The following STAB2 variants were observed in gnomAD, a reference collection of about 807,000 sequenced individuals.
STAB2 encodes stabilin-2.
A neutral mutation model predicts 338.1 loss-of-function variants in STAB2; 288 were observed. The observed-to-expected ratio is 0.85, with a 90% CI of 0.77 to 0.94. STAB2 has a LOEUF of 0.94. STAB2 is among the 40% of genes least tolerant of loss of function. The probability of loss-of-function intolerance (pLI) is 0.00; values close to 1 mark genes in which losing one functional copy is unlikely to be tolerated. For synonymous variants in STAB2, 1,202 were observed against 1,193.3 expected (o/e 1.01, Z -0.15); for missense variants, 3,141 against 3,210.1 (o/e 0.98, Z 0.52).
chr12:103,688,744 C>A (rs904809896), intron 28 of STAB2, among the ~76,000 whole-genome samples: 1 of 152,198 alleles, frequency 6.6e-6, no homozygotes, highest in Non-Finnish European at 1.5e-5. Context: ...CTGAACCCCC[C>A]ATCCCAGCAT....
chr12:103,642,773 C>T (rs533330010), intron 9 of STAB2, among the ~76,000 whole-genome samples: 6 of 152,324 alleles, frequency 3.9e-5, no homozygotes, highest in Admixed American at 6.5e-5. Context: ...AGACCACACT[C>T]GGGGTACTCA....
chr12:103,699,524 C>T (rs1056434416), intron 34 of STAB2, among the ~76,000 whole-genome samples: 1 of 152,138 alleles, frequency 6.6e-6, no homozygotes, highest in Admixed American at 6.6e-5. Flanking sequence ...CTTATGAAAC[C>T]ATCAGATCTC....
chr12:103,712,312 G>A (rs1879933693), intron 40 of STAB2, 55 bp from the exon 41 acceptor site: 2 of 1,335,376 alleles, frequency 1.5e-6, no homozygotes, highest in Non-Finnish European at 2.2e-6. Context: ...TGTGAGTCAT[G>A]TGGTGGGAGG....
intron 22 of STAB2, among the ~76,000 whole-genome samples, chr12:103,672,046 G>A (rs1264804940): frequency 6.6e-6 from 1 of 152,160 alleles, no homozygotes; most frequent in Non-Finnish European, 1.5e-5. Context: ...TTGCTGACAG[G>A]ATTAAATTAG....
intron 31 of STAB2, among the ~76,000 whole-genome samples, chr12:103,693,988 TA>T (rs540825862): frequency 0.013 from 1,798 of 136,072 alleles, 18 homozygotes; most frequent in African/African-American, 0.032. Flanking sequence ...CCCTCTCTAC[TA>T]AAAAAAAAAA....
chr12:103,749,237 G>C, intron 59 of STAB2, 81 bp downstream of exon 59: 1 of 1,408,904 alleles, frequency 7.1e-7, no homozygotes, highest in Non-Finnish European at 9.5e-7. Flanking sequence ...CCCATACTCT[G>C]CTTATCTCCT....
chr12:103,694,520 C>T (rs918853217), intron 31 of STAB2, among the ~76,000 whole-genome samples: 10 of 152,086 alleles, frequency 6.6e-5, no homozygotes, highest in African/African-American at 2.4e-4. Flanking sequence ...ACTCTGCCAC[C>T]GTAGTGCAAA....
chr12:103,717,706 A>G, intron 43 of STAB2, 64 bp from the exon 44 acceptor site: 1 of 1,459,930 alleles, frequency 6.8e-7, no homozygotes, highest in Non-Finnish European at 9.6e-7. Flanking sequence ...TCTGAGAGCC[A>G]GACCATGCGG....
chr12:103,640,465 T>C (rs770308694), intron 9 of STAB2, among the ~76,000 whole-genome samples: 7 of 152,184 alleles, frequency 4.6e-5, no homozygotes, highest in Non-Finnish European at 8.8e-5. Flanking sequence ...ATATGACCAT[T>C]AGAATACTCT....
At chr12:103,762,541 C>G in intron 67 of STAB2, 139 bp downstream of exon 67, 1 of 1,314,618 alleles carries the variant, frequency 7.6e-7, no homozygotes, top group Non-Finnish European at 1.1e-6. Context: ...GGCGGCCACC[C>G]ACCCCACGCT....
At position 103,626,973 on chromosome 12, in the gene STAB2, C is replaced by A. The variant is rs557389500; in HGVS notation, c.488-4625C>A. Among the ~76,000 whole-genome samples, 13 of 152,348 alleles carry A rather than the reference C, an allele frequency of 8.5e-5. No homozygotes were observed. In the South Asian group the frequency reaches 2.7e-3, roughly 32 times the overall value. ...TAACATGATCCCCAAATCAATCACA[C>A]AACCATGTACTGTTAAGAAGAGTCA... On this transcript the variant is annotated intron_variant, in intron 5 of 68. Coordinates refer to ENST00000388887, the MANE Select transcript of STAB2 (RefSeq NM_017564.10).
chr12:103,670,695 G>T lies in STAB2; in HGVS notation c.2260-1G>T, dbSNP rs772667233. On this transcript the variant is annotated splice_acceptor_variant, in intron 21 of 68. Coordinates refer to ENST00000388887, the MANE Select transcript of STAB2 (RefSeq NM_017564.10). LOFTEE classifies it high-confidence loss of function. ...CCCATGGGCCCTGCCTTTGCTCCCA[G>T]TGTGCAGATAGCCTCGGCGGCAACG... 2 of 1,613,564 alleles carry T rather than the reference G, an allele frequency of 1.2e-6. No individual in the cohort carries two copies. The highest frequency in any genetic ancestry group is 1.3e-5 in the African/African-American group (1 of 74,916).
At chr12:103,673,055 C>G (rs1875967068) in intron 22 of STAB2, among the ~76,000 whole-genome samples, 1 of 152,162 alleles carries the variant, frequency 6.6e-6, no homozygotes, top group South Asian at 2.1e-4. Context: ...GAAGGCTGAC[C>G]TAGTGCCTTG....
rs1957464680 is a variant in STAB2 at position 103,631,635 on chromosome 12, A to G, written c.525A>G (p.Leu175=). 1 of 1,614,196 alleles carries G rather than the reference A, an allele frequency of 6.2e-7. No homozygotes were observed. The highest frequency in any genetic ancestry group is 1.7e-5 in the Admixed American group (1 of 60,022). The part of the protein sequence containing the change: ...NCVHGVCNSG[L]DGDGTCECYS... The stretch of plus-strand genomic sequence containing the variant: ...TGCATGGGGTGTGCAACAGTGGACT[A>G]GATGGCGATGGAACCTGTGAGTGCT... The change falls in exon 6 of 69, where the codon CTA becomes CTG. Residue 175 remains leucine (L), a synonymous_variant. Transcript: ENST00000388887.
At chr12:103,644,002 T>C (rs1873134923) in intron 9 of STAB2, among the ~76,000 whole-genome samples, 1 of 89,940 alleles carries the variant, frequency 1.1e-5, no homozygotes, top group African/African-American at 4.4e-5. Flanking sequence ...GGAGCCCCTC[T>C]GCCCAGCCAC....
chr12:103,741,305 G>A (rs3844213), intron 55 of STAB2, among the ~76,000 whole-genome samples: 125,460 of 152,200 alleles, frequency 0.82, 52,365 homozygotes, highest in African/African-American at 0.95. Flanking sequence ...ACAGGTGCAC[G>A]TAACAAATGC....
intron 15 of STAB2, among the ~76,000 whole-genome samples, chr12:103,656,455 A>T (rs1874183868): frequency 6.6e-6 from 1 of 152,224 alleles, no homozygotes; most frequent in Non-Finnish European, 1.5e-5. Flanking sequence ...GCAGATTCCA[A>T]AGCCCTACCT....
At chr12:103,682,318 A>G (rs1207787962) in intron 25 of STAB2, among the ~76,000 whole-genome samples, 2 of 152,182 alleles carry the variant, frequency 1.3e-5, no homozygotes, top group Admixed American at 1.3e-4. Context: ...GCACAATTAC[A>G]GAAATCAGGC....
chr12:103,692,457 A>G (rs561914536), intron 30 of STAB2, among the ~76,000 whole-genome samples: 1 of 152,346 alleles, frequency 6.6e-6, no homozygotes, highest in East Asian at 1.9e-4. Context: ...GGTCACTTTA[A>G]TGAGCCTCGA....
Sources: gnomAD v4.1 joint callset for allele counts (sites outside exome capture counted in the v4.1 genomes callset) on GRCh38, gnomAD v4.1.1 for gene constraint, MANE v1.5 for transcripts, NCBI Gene and HGNC (gene_info 2026-07-23, HGNC 2026-07-21) for gene names.